ADGRL4: variants seen among roughly 807,000 people sequenced by gnomAD.
The protein encoded by ADGRL4 is EGF, latrophilin and seven transmembrane domain containing 1.
Under a neutral mutation model 74.8 loss-of-function variants are expected in ADGRL4, and 90 were observed. The observed-to-expected ratio is 1.20, with a 90% confidence interval of 1.02 to 1.43. The LOEUF (loss-of-function observed/expected upper bound fraction) is 1.43, where lower values mean the gene tolerates loss of function less well. ADGRL4 is among the 40% of genes most tolerant of loss of function. ADGRL4 has a pLI of 0.00. For synonymous variants in ADGRL4, 311 were observed against 279.2 expected (o/e 1.11, Z -1.14); for missense variants, 881 against 814.3 (o/e 1.08, Z -1.00).
intron 2 of ADGRL4, among the ~76,000 whole-genome samples, chr1:78,956,032 A>G (rs1397661312): frequency 6.6e-6 from 1 of 152,192 alleles, no homozygotes; most frequent in African/African-American, 2.4e-5. Flanking sequence ...TACCTTTGGT[A>G]TCCAACAGCA....
chr1:79,000,304 C>T (rs142865681), intron 2 of ADGRL4, among the ~76,000 whole-genome samples: 1,660 of 152,150 alleles, frequency 0.011, 27 homozygotes, highest in African/African-American at 0.037. Context: ...CTTAGTTGTA[C>T]CTGATTAATT....
At chr1:79,001,169 AGGGAGAGGGGG>A (rs1302505759) in intron 2 of ADGRL4, among the ~76,000 whole-genome samples, 1 of 2,614 alleles carries the variant, frequency 3.8e-4, no homozygotes, top group African/African-American at 7.1e-4. Context: ...GAAGGAAGGA[AGGGAGAGGGGG>A]GGGAGGGAGG....
At chr1:78,936,809 A>G (rs1190639177) in intron 6 of ADGRL4, among the ~76,000 whole-genome samples, 1 of 152,190 alleles carries the variant, frequency 6.6e-6, no homozygotes, top group Non-Finnish European at 1.5e-5. Context: ...CTGTATTATC[A>G]CCATTTTCAT....
At position 78,890,734 on chromosome 1, in the gene ADGRL4, A is replaced by G. The variant is rs1648253361; in HGVS notation, c.*420T>C. The G allele has an allele frequency of 6.2e-6, 1 of 160,952 alleles. No individual in the cohort carries two copies. Among genetic ancestry groups the G allele is most frequent in the Non-Finnish European group, 1.4e-5 (1 of 74,018 alleles). The allele number at this position is 160,952 out of a possible 1,614,324, so 10.0% of individuals were successfully genotyped here. A position where few individuals can be genotyped will look rare whatever the true frequency, so the allele number is the denominator to read the frequency against. On this transcript the variant is annotated 3_prime_UTR_variant, in exon 15 of 15. Coordinates refer to ENST00000370742, the MANE Select transcript of ADGRL4 (RefSeq NM_022159.4). ...CTGCCCCTTCATTCTCTTATGTTCC[A>G]CTTTCTGTAATGGAGCTCATTACCG...
rs910319900 is a variant in ADGRL4, at chr1:78,933,230, C to G, written c.877+3065G>C. On this transcript the variant is annotated intron_variant, in intron 7 of 14. Coordinates refer to ENST00000370742, the MANE Select transcript of ADGRL4 (RefSeq NM_022159.4). ...GCAGCACATCAAAAAACATATCCAC[C>G]ACAATCAGGTCAGCTTCATCCCTGG... Among the ~76,000 whole-genome samples, 5 of 151,402 alleles carry G rather than the reference C, an allele frequency of 3.3e-5. No homozygotes were observed. The East Asian group carries it at 9.7e-4, about 29-fold the overall frequency.
rs748938414 is a variant in ADGRL4, at chr1:79,005,237, AT to A, written c.23-19del. 1 of 1,576,436 alleles carries A rather than the reference AT, an allele frequency of 6.3e-7. No homozygotes were observed. The highest frequency in any genetic ancestry group is 8.6e-7 in the Non-Finnish European group (1 of 1,160,666). On this transcript the variant is annotated intron_variant, in intron 1 of 14. Transcript: ENST00000370742. ...AAAAACCACTAAATAAAATAGAGAA[AT>A]ACACCTTTTCAAAAAGTAAAACAAA...
chr1:78,917,596 CT>C, intron 12 of ADGRL4, 37 bp downstream of exon 12: 1 of 1,389,082 alleles, frequency 7.2e-7, no homozygotes, highest in Non-Finnish European at 9.8e-7. Flanking sequence ...ATGATCATCA[CT>C]TTTTTGAATT....
chr1:78,967,760 C>T (rs1252482752), intron 2 of ADGRL4, among the ~76,000 whole-genome samples: 1 of 151,868 alleles, frequency 6.6e-6, no homozygotes, highest in Admixed American at 6.6e-5. Context: ...TTAATCTGCT[C>T]TTTGGCAAAA....
chr1:78,930,006 T>C (rs533406493), intron 7 of ADGRL4, among the ~76,000 whole-genome samples: 17 of 151,556 alleles, frequency 1.1e-4, no homozygotes, highest in African/African-American at 2.0e-4. Flanking sequence ...TAGAATATGG[T>C]ATAATAGAGT....
At chr1:78,968,522 C>A (rs996175125) in intron 2 of ADGRL4, among the ~76,000 whole-genome samples, 1 of 89,164 alleles carries the variant, frequency 1.1e-5, no homozygotes, top group African/African-American at 4.3e-5. Context: ...GGGGGGGAGA[C>A]GGGGGTCGGC....
At chr1:78,942,736 C>T (rs980295523) in intron 3 of ADGRL4, among the ~76,000 whole-genome samples, 14 of 151,972 alleles carry the variant, frequency 9.2e-5, no homozygotes, top group African/African-American at 3.1e-4. Flanking sequence ...TGAGACCAGG[C>T]TGAGCAACAT....
intron 2 of ADGRL4, among the ~76,000 whole-genome samples, chr1:78,980,092 A>AT (rs370796253): frequency 8.6e-5 from 13 of 150,782 alleles, no homozygotes; most frequent in Admixed American, 2.7e-4. Flanking sequence ...CTCAGGTTTC[A>AT]TTTTTTTTTC....
chr1:78,927,321 T>A (rs1649140602), intron 7 of ADGRL4, among the ~76,000 whole-genome samples: 1 of 152,092 alleles, frequency 6.6e-6, no homozygotes, highest in South Asian at 2.1e-4. Context: ...CTGTGTAGTA[T>A]CCCCTTTGCA....
At chr1:78,975,559 T>G (rs915994287) in intron 2 of ADGRL4, among the ~76,000 whole-genome samples, 2 of 152,000 alleles carry the variant, frequency 1.3e-5, no homozygotes, top group African/African-American at 4.8e-5. Flanking sequence ...CATCTGACTT[T>G]GCCACTACTG....
intron 2 of ADGRL4, among the ~76,000 whole-genome samples, chr1:78,979,445 G>A (rs1279608318): frequency 6.6e-6 from 1 of 151,870 alleles, no homozygotes; most frequent in African/African-American, 2.4e-5. Flanking sequence ...GCCATTAAAC[G>A]TATTGCTTCT....
At chr1:78,966,944 T>C (rs1650070200) in intron 2 of ADGRL4, among the ~76,000 whole-genome samples, 2 of 151,740 alleles carry the variant, frequency 1.3e-5, no homozygotes, top group African/African-American at 4.8e-5. Context: ...TTATATTCTT[T>C]AAATTTTTAG....
intron 2 of ADGRL4, among the ~76,000 whole-genome samples, chr1:78,978,133 C>T (rs757889177): frequency 1.3e-5 from 2 of 151,812 alleles, no homozygotes; most frequent in East Asian, 1.9e-4. Flanking sequence ...ATAGGATTTC[C>T]ACTTGGCTCT....
At chr1:78,976,806 A>T (rs1417264223) in intron 2 of ADGRL4, among the ~76,000 whole-genome samples, 1 of 151,290 alleles carries the variant, frequency 6.6e-6, no homozygotes, top group Non-Finnish European at 1.5e-5. Flanking sequence ...GAAAAAAAAA[A>T]AACCTCCAGA....
intron 2 of ADGRL4, among the ~76,000 whole-genome samples, chr1:78,985,504 G>A (rs921465771): frequency 2.0e-5 from 3 of 151,740 alleles, no homozygotes; most frequent in South Asian, 2.1e-4. Context: ...TGTTAATTTC[G>A]ACCTTTAACT....
Sources: gnomAD v4.1 joint callset for allele counts (sites outside exome capture counted in the v4.1 genomes callset) on GRCh38, gnomAD v4.1.1 for gene constraint, MANE v1.5 for transcripts, NCBI Gene and HGNC (gene_info 2026-07-23, HGNC 2026-07-21) for gene names.